The following VIPAS39 variants were observed in gnomAD, a reference collection of about 807,000 sequenced individuals.
VIPAS39 encodes the protein spermatogenesis-defective protein 39 homolog.
VIPAS39 carries 63 observed loss-of-function variants against 84.7 expected under a neutral mutation model. The observed-to-expected ratio is 0.74, with a 90% CI of 0.61 to 0.92. VIPAS39 has a LOEUF of 0.92. Ranked by LOEUF, VIPAS39 falls within the 40% of genes least tolerant of loss-of-function variation. The pLI is 0.00. For synonymous variants in VIPAS39, 192 were observed against 216.5 expected, an observed-to-expected ratio of 0.89 and a Z score of 0.99; for missense variants, 499 against 604.5, an observed-to-expected ratio of 0.83 and a Z score of 1.83.
chr14:77,431,991 G>GTA (rs1302340190), intron 16 of VIPAS39, among the ~76,000 whole-genome samples: 2 of 152,078 alleles, frequency 1.3e-5, no homozygotes, highest in Non-Finnish European at 2.9e-5. Flanking sequence ...TGGAACTATG[G>GTA]TATATATATA....
rs1002251491 is a variant in VIPAS39, at chr14:77,429,865, G to A, written c.1180-98C>T. On this transcript the variant is annotated intron_variant, in intron 16 of 19. Coordinates refer to ENST00000557658, the MANE Select transcript of VIPAS39 (RefSeq NM_001193315.2). ...ACGATCAGACCAGAATAATGTGGTG[G>A]GTGAGTGGGGGTGCTGAGGGATACA... The A allele has an allele frequency of 1.5e-5, 15 of 1,007,896 alleles. No individual in the cohort carries two copies. The African/African-American group carries it at 2.2e-4, about 15-fold the overall frequency. The allele number at this position is 1,007,896 out of a possible 1,614,324, so 62.4% of individuals were successfully genotyped here. A position where few individuals can be genotyped will look rare whatever the true frequency, so the allele number is the denominator to read the frequency against.
At chr14:77,457,001 AG>A in intron 1 of VIPAS39, 1 of 1,130,312 alleles carries the variant, frequency 8.8e-7, no homozygotes, top group South Asian at 1.9e-5. Flanking sequence ...GAGAGACCTC[AG>A]GGGAGAACAG....
chr14:77,439,860 T>C (rs920083136), intron 11 of VIPAS39, among the ~76,000 whole-genome samples: 14 of 152,156 alleles, frequency 9.2e-5, no homozygotes, highest in African/African-American at 3.1e-4. Flanking sequence ...CAACTGAATG[T>C]CTGTATGGAT....
intron 2 of VIPAS39, 28 bp from the exon 3 acceptor site, chr14:77,453,429 T>TCAGG (rs2078914364): frequency 6.2e-7 from 1 of 1,600,506 alleles, no homozygotes; most frequent in African/African-American, 1.3e-5. Context: ...GCTAGGGTGC[T>TCAGG]CAGGCAAATC....
intron 18 of VIPAS39, 64 bp from the exon 19 acceptor site, chr14:77,428,538 G>A (rs1292868137): frequency 2.0e-6 from 3 of 1,482,036 alleles, no homozygotes; most frequent in Admixed American, 1.8e-5. Flanking sequence ...TTTTTGCCCA[G>A]GATGGTCTCA....
In VIPAS39 at chr14:77,451,181, C is replaced by A; in HGVS notation, c.343+6G>T. On this transcript the variant is annotated splice_donor_region_variant and intron_variant, in intron 4 of 19. Transcript: ENST00000557658. ...CTTCCCTATCCATTTAAGCATCTCTCTTTACCTCTAAAAAAGCTGCTCAGG... is the reference window on the plus strand; with the variant it reads ...CTTCCCTATCCATTTAAGCATCTCTATTTACCTCTAAAAAAGCTGCTCAGG... 5 of 1,614,224 alleles carry A rather than the reference C, an allele frequency of 3.1e-6. No homozygotes were observed. The highest frequency in any genetic ancestry group is 4.2e-6 in the Non-Finnish European group (5 of 1,180,036).
intron 3 of VIPAS39, 27 bp downstream of exon 3, chr14:77,453,272 T>C (rs758722828): frequency 1.9e-6 from 3 of 1,605,876 alleles, no homozygotes; most frequent in East Asian, 2.2e-5. Flanking sequence ...TCAACATCTA[T>C]CCCTGCCTAG....
At chr14:77,453,733 A>C (rs1290778999) in intron 2 of VIPAS39, among the ~76,000 whole-genome samples, 1 of 152,146 alleles carries the variant, frequency 6.6e-6, no homozygotes, top group Non-Finnish European at 1.5e-5. Context: ...AACAAAGATA[A>C]ATCTTCCAAT....
Position 77,427,506 on chromosome 14 carries a change from G to A in VIPAS39, c.*110C>T. On this transcript the variant is annotated 3_prime_UTR_variant, in exon 20 of 20. Coordinates refer to ENST00000557658, the MANE Select transcript of VIPAS39 (RefSeq NM_001193315.2). ...CAAGAGTAGCTGGCACTGCCCATGG[G>A]TAATGGGCCCAAGCGATGTGATGCC... is the stretch of plus-strand genomic sequence containing the variant. 2 of 1,362,220 alleles carry A rather than the reference G, an allele frequency of 1.5e-6. No individual in the cohort carries two copies. The highest frequency in any genetic ancestry group is 2.1e-6 in the Non-Finnish European group (2 of 953,526). 84.4% of individuals were successfully genotyped at this position (1,362,220 alleles called of 1,614,324 possible).
At position 77,454,110 on chromosome 14, in the gene VIPAS39, G is replaced by C. The variant is rs917211224; in HGVS notation, c.1-8C>G. ...ACCCTTTGTCCGATTCATCTACAGT[G>C]ACAGGAAAACATACATTGCCCCTTT... On this transcript the variant is annotated splice_region_variant and splice_polypyrimidine_tract_variant and intron_variant, in intron 1 of 19. Transcript: ENST00000557658. 3 of 1,613,866 alleles carry C rather than the reference G, an allele frequency of 1.9e-6. No individual in the cohort carries two copies. Among genetic ancestry groups the C allele is most frequent in the Non-Finnish European group, 2.5e-6 (3 of 1,179,800 alleles).
intron 4 of VIPAS39, among the ~76,000 whole-genome samples, 192 bp downstream of exon 4, chr14:77,450,995 T>C (rs536732443): frequency 6.6e-6 from 1 of 152,230 alleles, no homozygotes; most frequent in Non-Finnish European, 1.5e-5. Context: ...TCATTCATCA[T>C]GCTATAGAAA....
chr14:77,442,808 CCATCAACACACT>C, intron 9 of VIPAS39, 146 bp from the exon 10 acceptor site: 1 of 821,030 alleles, frequency 1.2e-6, no homozygotes, highest in South Asian at 1.4e-5. Flanking sequence ...TCTTAATTCA[CCATCAACACACT>C]CAGCTCATAG....
Position 77,439,433 on chromosome 14 carries a change from G to C in VIPAS39, c.763-1552C>G, listed in dbSNP as rs188470631. 3.3e-3 allele frequency among the ~76,000 whole-genome samples: 500 copies of C among 152,262 alleles called. 8 individuals carry two copies. The highest frequency in any genetic ancestry group is 0.026 in the Admixed American group (393 of 15,288). On this transcript the variant is annotated intron_variant, in intron 11 of 19. Transcript: ENST00000557658. ...CTGCCAATCATTTTTAGTTGATTAAGAAAATGGATTTTTCAGATTCTCTCA... is the reference window on the plus strand; with the variant it reads ...CTGCCAATCATTTTTAGTTGATTAACAAAATGGATTTTTCAGATTCTCTCA...
intron 18 of VIPAS39, 127 bp downstream of exon 18, chr14:77,428,879 G>C: frequency 1.2e-6 from 1 of 847,014 alleles, no homozygotes; most frequent in South Asian, 1.4e-5. Flanking sequence ...ACTCTTGCCA[G>C]ATTATTCTGT....
At chr14:77,454,209 C>A (rs1594929769) in intron 1 of VIPAS39, 107 bp from the exon 2 acceptor site, 2 of 1,006,826 alleles carry the variant, frequency 2.0e-6, no homozygotes, top group Non-Finnish European at 3.1e-6. Context: ...ATCAAGGATG[C>A]AGAAAAGAAT....
intron 16 of VIPAS39, among the ~76,000 whole-genome samples, chr14:77,432,130 T>A (rs142102233): frequency 4.6e-5 from 7 of 152,326 alleles, no homozygotes; most frequent in African/African-American, 1.7e-4. Context: ...AAAAAAATAA[T>A]TTGAGATGAT....
At position 77,451,267 on chromosome 14, in the gene VIPAS39, A is replaced by T. The variant is rs1191856135; in HGVS notation, c.263T>A (p.Leu88Gln). 6.2e-7 allele frequency: 1 copy of T among 1,614,182 alleles called. No individual in the cohort carries two copies. Among genetic ancestry groups the T allele is most frequent in the Non-Finnish European group, 8.5e-7 (1 of 1,180,028 alleles). The change falls in exon 4 of 20, where the codon CTA (leucine) becomes CAA (glutamine). Residue 88 changes from leucine to glutamine, a missense_variant. Transcript: ENST00000557658. ...GGAGGAGAAGCTGTTTCGGCTCTTT[A>T]GCTGTTCACGCCCCTCGTGGGTTGA... The part of the protein sequence containing the change: ...SGSTHEGREQ[L>Q]KSRNSFSSYA...
In VIPAS39 at chr14:77,427,735, G is replaced by T. The variant is rs368926113; in HGVS notation, c.1462-99C>A. 4.1e-5 allele frequency: 61 copies of T among 1,493,528 alleles called. No homozygotes were observed. The East Asian group carries it at 1.2e-3, about 29-fold the overall frequency. The allele number at this position is 1,493,528 out of a possible 1,614,324, so 92.5% of individuals were successfully genotyped here. On this transcript the variant is annotated intron_variant, in intron 19 of 19. Transcript: ENST00000557658. ...ACAAAACAAGGCTCAGCTAGATAATGTAAGGAAAAGAAAAAGTAGAATCAG... is the reference window on the plus strand; with the variant it reads ...ACAAAACAAGGCTCAGCTAGATAATTTAAGGAAAAGAAAAAGTAGAATCAG...
chr14:77,453,929 G>T, intron 2 of VIPAS39, 81 bp downstream of exon 2: 1 of 1,359,056 alleles, frequency 7.4e-7, no homozygotes, highest in Non-Finnish European at 1.1e-6. Context: ...ATGGTCAAAA[G>T]CCTAGTTACC....
Sources: gnomAD v4.1 joint callset for allele counts (sites outside exome capture counted in the v4.1 genomes callset) on GRCh38, gnomAD v4.1.1 for gene constraint, MANE v1.5 for transcripts, NCBI Gene and HGNC (gene_info 2026-07-23, HGNC 2026-07-21) for gene names.